Variants in METTL15 observed in about 807,000 individuals in gnomAD.
The protein encoded by METTL15 is methyltransferase 15, mitochondrial 12S rRNA N4-cytidine.
In METTL15, 34 loss-of-function variants were observed where a neutral mutation model predicts 38.3. That is an observed-to-expected ratio of 0.89 (90% CI 0.68 to 1.18). The LOEUF (loss-of-function observed/expected upper bound fraction) is 1.18. METTL15 is among the 50% of genes most tolerant of loss of function. The probability of loss-of-function intolerance (pLI) is 0.00; values close to 1 mark genes in which losing one functional copy is unlikely to be tolerated. For missense variants in METTL15, 438 were observed against 498.4 expected (o/e 0.88, Z 1.15); for synonymous variants, 162 against 170.9 (o/e 0.95, Z 0.41).
At chr11:28,418,843 C>T (rs1295582752) in intron 5 of METTL15, among the ~76,000 whole-genome samples, 3 of 152,134 alleles carry the variant, frequency 2.0e-5, no homozygotes, top group Admixed American at 6.6e-5. Flanking sequence ...CAGAACTCAA[C>T]CAAGACTTAT....
chr11:28,239,668 G>C (rs1045725132), intron 4 of METTL15, among the ~76,000 whole-genome samples: 4 of 152,192 alleles, frequency 2.6e-5, no homozygotes, highest in Non-Finnish European at 5.9e-5. Context: ...CTACCTTGCT[G>C]TTCTTTAAGT....
chr11:28,238,676 C>T (rs1250561391), intron 4 of METTL15, among the ~76,000 whole-genome samples: 1 of 152,208 alleles, frequency 6.6e-6, no homozygotes, highest in African/African-American at 2.4e-5. Context: ...GATGGAAATG[C>T]AGAAATCACC....
intron 6 of METTL15, among the ~76,000 whole-genome samples, chr11:28,493,116 A>C (rs1314847389): frequency 4.6e-5 from 7 of 152,180 alleles, no homozygotes; most frequent in Admixed American, 4.6e-4. Context: ...TGCTCAGGAC[A>C]CAGTCATCTC....
At chr11:28,443,033 C>A (rs116128941) in intron 6 of METTL15, among the ~76,000 whole-genome samples, 4,096 of 152,250 alleles carry the variant, frequency 0.027, 173 homozygotes, top group African/African-American at 0.093. Context: ...AAAGTGTTCA[C>A]AACTGTGTTA....
chr11:28,350,911 G>C (rs1850035353), intron 3 of METTL15, among the ~76,000 whole-genome samples: 1 of 152,090 alleles, frequency 6.6e-6, no homozygotes, highest in Non-Finnish European at 1.5e-5. Flanking sequence ...ATTTATGCTA[G>C]GTCACTGGTT....
chr11:28,165,954 G>A (rs1850644283), intron 3 of METTL15, among the ~76,000 whole-genome samples: 1 of 152,092 alleles, frequency 6.6e-6, no homozygotes, highest in African/African-American at 2.4e-5. Context: ...TCTAAAGTGT[G>A]TGGGTTTATT....
chr11:28,262,055 T>C (rs1201719517), intron 4 of METTL15, among the ~76,000 whole-genome samples: 1 of 152,184 alleles, frequency 6.6e-6, no homozygotes, highest in Non-Finnish European at 1.5e-5. Context: ...ACCACTGTAA[T>C]GTCTTGCCTA....
chr11:28,214,168 A>G (rs1453714368), intron 4 of METTL15, among the ~76,000 whole-genome samples: 1 of 151,640 alleles, frequency 6.6e-6, no homozygotes, highest in Non-Finnish European at 1.5e-5. Flanking sequence ...TCAGCCTCTC[A>G]AGTAGCTGGG....
chr11:28,422,471 T>C (rs950621734), intron 5 of METTL15, among the ~76,000 whole-genome samples: 2 of 152,018 alleles, frequency 1.3e-5, no homozygotes, highest in African/African-American at 4.8e-5. Flanking sequence ...AACAGCATGG[T>C]GCTGGCATAA....
At chr11:28,224,053 A>C (rs1422344602) in intron 4 of METTL15, among the ~76,000 whole-genome samples, 1 of 152,086 alleles carries the variant, frequency 6.6e-6, no homozygotes, top group African/African-American at 2.4e-5. Flanking sequence ...TGTTATTTTC[A>C]ACATTTTATA....
intron 5 of METTL15, among the ~76,000 whole-genome samples, chr11:28,376,549 C>A (rs1288359670): frequency 1.3e-5 from 2 of 152,028 alleles, no homozygotes; most frequent in Non-Finnish European, 2.9e-5. Flanking sequence ...TATTTTGAGC[C>A]TATGTGTGTC....
At chr11:28,430,081 C>T (rs1236757970) in intron 6 of METTL15, among the ~76,000 whole-genome samples, 7 of 149,018 alleles carry the variant, frequency 4.7e-5, no homozygotes, top group Admixed American at 6.6e-5. Context: ...CGTCTCTGCC[C>T]GGCCGCCCTG....
At chr11:28,163,748 G>A in intron 3 of METTL15, 1 of 283,766 alleles carries the variant, frequency 3.5e-6, no homozygotes, top group Non-Finnish European at 6.4e-6. Flanking sequence ...TTTTATTGTT[G>A]TTAATTTTTT....
intron 6 of METTL15, among the ~76,000 whole-genome samples, chr11:28,508,082 A>G (rs1010493842): frequency 1.3e-5 from 2 of 152,146 alleles, no homozygotes; most frequent in Non-Finnish European, 2.9e-5. Flanking sequence ...CCTGTACTAC[A>G]GTTGTAAAAT....
In METTL15 at chr11:28,379,885, G is replaced by T. The variant is rs1198581934; in HGVS notation, c.*358+17849G>T. On this transcript the variant is annotated intron_variant and NMD_transcript_variant, in intron 5 of 7. Coordinates refer to the METTL15 transcript ENST00000532947. ...ATTAATGTTTGTCTTATGTATTTGG[G>T]TGCTCCAGTGATGGTTGTGTAGATA... is the stretch of plus-strand genomic sequence containing the variant. Among the ~76,000 whole-genome samples the T allele has an allele frequency of 1.1e-4, 16 of 152,088 alleles. 1 individual carries two copies. Among genetic ancestry groups the T allele is most frequent in the Admixed American group, 1.0e-3 (16 of 15,268 alleles).
At chr11:28,211,285 C>T (rs1852631036) in intron 4 of METTL15, 87 bp downstream of exon 4, 2 of 1,256,288 alleles carry the variant, frequency 1.6e-6, no homozygotes, top group East Asian at 5.1e-5. Context: ...TTCTGCTTTG[C>T]ATGGGCTATA....
At chr11:28,517,493 C>G (rs1327543442) in intron 6 of METTL15, among the ~76,000 whole-genome samples, 1 of 152,146 alleles carries the variant, frequency 6.6e-6, no homozygotes, top group African/African-American at 2.4e-5. Context: ...GGCATCCACC[C>G]TGGAGCTCTG....
At chr11:28,377,075 C>T (rs1476067961) in intron 5 of METTL15, among the ~76,000 whole-genome samples, 4 of 134,700 alleles carry the variant, frequency 3.0e-5, no homozygotes, top group African/African-American at 1.0e-4. Flanking sequence ...CGACCTTTCT[C>T]TCTGGCTGCC....
chr11:28,474,769 G>A (rs1405666882), intron 6 of METTL15, among the ~76,000 whole-genome samples: 1 of 152,136 alleles, frequency 6.6e-6, no homozygotes, highest in Middle Eastern at 3.2e-3. Flanking sequence ...CTGTATGTGG[G>A]ATTTGACCAG....
Sources: allele counts gnomAD v4.1 joint callset (sites outside exome capture counted in the v4.1 genomes callset), GRCh38; gene constraint gnomAD v4.1.1; transcripts MANE v1.5; gene names NCBI Gene and HGNC (gene_info 2026-07-23, HGNC 2026-07-21).